ARFGEF1: variants seen among roughly 807,000 people sequenced by gnomAD.
ARFGEF1 encodes the protein brefeldin A-inhibited guanine nucleotide-exchange protein 1.
ARFGEF1 carries 42 observed loss-of-function variants against 231.0 expected under a neutral mutation model. The ratio of observed to expected loss-of-function variants is 0.18; its 90% CI spans 0.14 to 0.24. ARFGEF1 has a LOEUF of 0.24. Ranked by LOEUF, ARFGEF1 falls within the 10% of genes least tolerant of loss-of-function variation. The probability of loss-of-function intolerance (pLI) is 1.00; values close to 1 mark genes in which losing one functional copy is unlikely to be tolerated. For missense variants in ARFGEF1, 1,345 were observed against 2,192.0 expected (o/e 0.61, Z 7.72); for synonymous variants, 710 against 732.3 (o/e 0.97, Z 0.49).
chr8:67,262,134 G>A (rs1244184561), intron 14 of ARFGEF1, among the ~76,000 whole-genome samples: 1 of 152,122 alleles, frequency 6.6e-6, no homozygotes, highest in Non-Finnish European at 1.5e-5. Context: ...CTTCTGGAAA[G>A]GATTCACTGT....
intron 1 of ARFGEF1, among the ~76,000 whole-genome samples, chr8:67,314,337 C>A (rs1218130268): frequency 6.6e-6 from 1 of 152,198 alleles, no homozygotes; most frequent in Non-Finnish European, 1.5e-5. Context: ...AATTCCTTCT[C>A]CCTGTGGAGT....
At chr8:67,271,964 T>C in intron 9 of ARFGEF1, 28 bp from the exon 10 acceptor site, 2 of 1,444,072 alleles carry the variant, frequency 1.4e-6, no homozygotes, top group African/African-American at 1.4e-5. Flanking sequence ...AGGCATAGTA[T>C]ATGAACAAGG....
chr8:67,308,459 C>T (rs1401478185), intron 1 of ARFGEF1, among the ~76,000 whole-genome samples: 2 of 152,324 alleles, frequency 1.3e-5, no homozygotes, highest in Non-Finnish European at 2.9e-5. Context: ...AAGGAAACCA[C>T]ATGGTTAACA....
chr8:67,320,456 T>G lies in ARFGEF1; in HGVS notation c.125-17990A>C, dbSNP rs1254177215. ...TAGAAAACAGTTTGTAAGTTTCTCATGAAGTTAAACATATACTTACCATAT... is the reference window on the plus strand; with the variant it reads ...TAGAAAACAGTTTGTAAGTTTCTCAGGAAGTTAAACATATACTTACCATAT... On this transcript the variant is annotated intron_variant, in intron 1 of 38. Transcript: ENST00000262215. Among the ~76,000 whole-genome samples the G allele has an allele frequency of 2.0e-5, 3 of 152,258 alleles. No individual in the cohort carries two copies. In the East Asian group the frequency reaches 5.8e-4, roughly 29 times the overall value.
chr8:67,242,857 T>C (rs1839973004), intron 19 of ARFGEF1, among the ~76,000 whole-genome samples: 1 of 152,140 alleles, frequency 6.6e-6, no homozygotes, highest in Non-Finnish European at 1.5e-5. Flanking sequence ...TTGGCCCTTG[T>C]GAACATCAGC....
intron 18 of ARFGEF1, among the ~76,000 whole-genome samples, 156 bp downstream of exon 18, chr8:67,253,295 C>T (rs1186168411): frequency 7.2e-5 from 11 of 152,068 alleles, no homozygotes; most frequent in Admixed American, 6.5e-4. Context: ...ATGCTGGTCT[C>T]GAACTCCTGG....
chr8:67,201,091 G>A (rs957461670), intron 37 of ARFGEF1, among the ~76,000 whole-genome samples: 2 of 152,156 alleles, frequency 1.3e-5, no homozygotes, highest in African/African-American at 2.4e-5. Flanking sequence ...TAAAGTAAAA[G>A]AGTAAAAAAA....
downstream of ARFGEF1, among the ~76,000 whole-genome samples, chr8:67,194,251 C>T (rs761032505): frequency 1.3e-5 from 2 of 152,176 alleles, no homozygotes; most frequent in African/African-American, 4.8e-5. Context: ...ATAGTTTTAG[C>T]AAATTACTGG....
At chr8:67,307,229 T>C (rs866553247) in intron 1 of ARFGEF1, among the ~76,000 whole-genome samples, 1 of 152,258 alleles carries the variant, frequency 6.6e-6, no homozygotes, top group Non-Finnish European at 1.5e-5. Context: ...TTGTGCTTCT[T>C]TCCTGCTTGC....
intron 7 of ARFGEF1, among the ~76,000 whole-genome samples, chr8:67,283,040 A>G (rs564381338): frequency 6.6e-6 from 1 of 152,120 alleles, no homozygotes; most frequent in Non-Finnish European, 1.5e-5. Context: ...AATTCAAAAA[A>G]AGATAAGTAG....
At chr8:67,195,689 G>T, downstream of ARFGEF1, 1 of 994,302 alleles carries the variant, frequency 1.0e-6, no homozygotes, top group South Asian at 1.6e-5. Flanking sequence ...CTACCTGAAA[G>T]TTACTTTTTT....
chr8:67,328,382 C>A (rs940325813), intron 1 of ARFGEF1, among the ~76,000 whole-genome samples: 2 of 152,088 alleles, frequency 1.3e-5, no homozygotes, highest in African/African-American at 4.8e-5. Context: ...ATTTGTAAGT[C>A]TTTTTACATC....
chr8:67,270,892 C>T (rs1363137110), intron 10 of ARFGEF1, among the ~76,000 whole-genome samples: 9 of 151,298 alleles, frequency 5.9e-5, no homozygotes, highest in African/African-American at 2.2e-4. Context: ...GGCGTGGTGG[C>T]ACATGCCTAT....
chr8:67,218,202 AAAAAAAT>A (rs920801318), intron 30 of ARFGEF1, 64 bp from the exon 31 acceptor site: 9 of 192,080 alleles, frequency 4.7e-5, no homozygotes, highest in African/African-American at 3.1e-4. Context: ...AAAAAAAAAA[AAAAAAAT>A]ATATATATAT....
At chr8:67,184,365 CAA>C (rs1013896181) in intron 5 of ARFGEF1, among the ~76,000 whole-genome samples, 3 of 152,020 alleles carry the variant, frequency 2.0e-5, no homozygotes, top group African/African-American at 7.2e-5. Flanking sequence ...TCAATGAAAC[CAA>C]GAGTTATTTC....
chr8:67,199,096 A>G lies in ARFGEF1; in HGVS notation c.5388T>C (p.Phe1796=). 1.2e-6 allele frequency: 2 copies of G among 1,605,088 alleles called. No homozygotes were observed. Among genetic ancestry groups the G allele is most frequent in the Non-Finnish European group, 1.7e-6 (2 of 1,177,876 alleles). ...GGTAGTAGAATGATGCATGAGCTTT[A>G]AACTGCAGGGAAAATGAATTTCTCC... ...TKVLKISDNR[F]KAHASFYYPL... is the part of the protein sequence containing the mutation. Residue 1796 remains phenylalanine (F), a splice_region_variant and synonymous_variant, in exon 39 of 39, where the codon TTT becomes TTC. Transcript: ENST00000262215.
intron 19 of ARFGEF1, among the ~76,000 whole-genome samples, chr8:67,240,732 T>C (rs143537073): frequency 1.1e-3 from 175 of 152,262 alleles, no homozygotes; most frequent in Middle Eastern, 3.4e-3. Context: ...TGAACATCAT[T>C]TAGCCTAATT....
rs141694498 is a variant in ARFGEF1 at position 67,217,609 on chromosome 8, A to G, written c.4613+173T>C. 1.9e-4 allele frequency among the ~76,000 whole-genome samples: 29 copies of G among 152,316 alleles called. No individual in the cohort carries two copies. The East Asian group carries it at 5.0e-3, about 26-fold the overall frequency. On this transcript the variant is annotated intron_variant, in intron 32 of 38. Coordinates refer to ENST00000262215, the MANE Select transcript of ARFGEF1 (RefSeq NM_006421.5). ...ATAGTTTAATTTATGTATTTGTTAT[A>G]GTTTATAGCAGTTTGGTTTGTAATA...
intron 1 of ARFGEF1, among the ~76,000 whole-genome samples, chr8:67,329,797 A>G (rs1188495228): frequency 6.6e-6 from 1 of 151,904 alleles, no homozygotes; most frequent in Non-Finnish European, 1.5e-5. Flanking sequence ...CTAGTGAGAT[A>G]TATCTTACAC....
Sources: gnomAD v4.1 joint callset for allele counts (sites outside exome capture counted in the v4.1 genomes callset) on GRCh38, gnomAD v4.1.1 for gene constraint, MANE v1.5 for transcripts, NCBI Gene and HGNC (gene_info 2026-07-23, HGNC 2026-07-21) for gene names.